The following CEP85 variants were observed in gnomAD, a reference collection of about 807,000 sequenced individuals.
CEP85 encodes the protein centrosomal protein 85, also known as centrosomal protein of 85 kDa.
In CEP85, 58 loss-of-function variants were observed where a neutral mutation model predicts 93.7. That is an observed-to-expected ratio of 0.62 (90% CI 0.50 to 0.77). CEP85 has a LOEUF of 0.77. Ranked by LOEUF, CEP85 falls within the 30% of genes least tolerant of loss-of-function variation. CEP85 has a pLI of 0.00. For missense variants in CEP85, 868 were observed against 922.0 expected (o/e 0.94, Z 0.76); for synonymous variants, 314 against 338.6 (o/e 0.93, Z 0.80).
At chr1:26,277,090 ATG>A in intron 13 of CEP85, 44 bp from the exon 14 acceptor site, 15 of 1,591,582 alleles carry the variant, frequency 9.4e-6, no homozygotes, top group African/African-American at 1.3e-5. Flanking sequence ...CCACATGAAA[ATG>A]TCTCATAACT....
At chr1:26,236,793 T>C (rs1569948570) in intron 1 of CEP85, among the ~76,000 whole-genome samples, 1 of 152,332 alleles carries the variant, frequency 6.6e-6, no homozygotes, top group South Asian at 2.1e-4. Flanking sequence ...GTCAAATACA[T>C]GTAAGATTTA....
intron 13 of CEP85, 57 bp from the exon 14 acceptor site, chr1:26,277,079 T>C: frequency 1.3e-6 from 2 of 1,561,066 alleles, no homozygotes; most frequent in South Asian, 2.2e-5. Context: ...TACTGCACCC[T>C]CCACATGAAA....
At chr1:26,256,530 C>CA (rs1252681352) in intron 4 of CEP85, among the ~76,000 whole-genome samples, 5 of 150,474 alleles carry the variant, frequency 3.3e-5, no homozygotes, top group Non-Finnish European at 7.4e-5. Context: ...GGCTCTGTCT[C>CA]AAAAAATAAA....
intron 3 of CEP85, among the ~76,000 whole-genome samples, chr1:26,248,722 CTTTTTTTTTTT>C (rs573449499): frequency 5.3e-5 from 3 of 56,212 alleles, no homozygotes; most frequent in African/African-American, 8.1e-5. Flanking sequence ...GTCTTGAACT[CTTTTTTTTTTT>C]TTTTTTTTTT....
rs1300824821 is a variant in CEP85, at chr1:26,276,540, A to G, written c.1908A>G (p.Ser636=). ...TTACCCATCTGTCTGCTCAGCTTTC[A>G]GTGCAAAACCAGGACTTGATTGAGA... The part of the protein sequence containing the change: ...QQLRTAVKEL[S]VQNQDLIEKN... Residue 636 remains serine (S), a synonymous_variant, in exon 13 of 14, where the codon TCA becomes TCG. Coordinates refer to ENST00000451429, the MANE Select transcript of CEP85 (RefSeq NM_001319944.2). 3 of 1,613,960 alleles carry G rather than the reference A, an allele frequency of 1.9e-6. No homozygotes were observed. The highest frequency in any genetic ancestry group is 1.7e-5 in the Admixed American group (1 of 60,026).
intron 6 of CEP85, among the ~76,000 whole-genome samples, 197 bp from the exon 7 acceptor site, chr1:26,259,420 T>C (rs1374431476): frequency 1.3e-5 from 2 of 152,216 alleles, no homozygotes; most frequent in Non-Finnish European, 2.9e-5. Context: ...GGAGTTAGGC[T>C]TAAGACATTG....
chr1:26,258,138 T>C lies in CEP85; in HGVS notation c.1038-5T>C, dbSNP rs2124586658. ...ACCCTGACCTGATTCTACCGGCTTGTGCAGGCAGAGGAAACACATCTCTCA... is the reference window on the plus strand; with the variant it reads ...ACCCTGACCTGATTCTACCGGCTTGCGCAGGCAGAGGAAACACATCTCTCA... On this transcript the variant is annotated splice_polypyrimidine_tract_variant and splice_region_variant and intron_variant, in intron 5 of 13. Coordinates refer to ENST00000451429, the MANE Select transcript of CEP85 (RefSeq NM_001319944.2). 1.2e-6 allele frequency: 2 copies of C among 1,609,182 alleles called. No homozygotes were observed. Among genetic ancestry groups the C allele is most frequent in the East Asian group, 2.2e-5 (1 of 44,854 alleles).
chr1:26,277,084 A>G (rs768166711), intron 13 of CEP85, 52 bp from the exon 14 acceptor site: 3 of 1,581,648 alleles, frequency 1.9e-6, no homozygotes, highest in Non-Finnish European at 2.6e-6. Context: ...CACCCTCCAC[A>G]TGAAAATGTC....
At chr1:26,256,928 G>GTTTTGGTGTGTGTGTGT (rs199539021) in intron 4 of CEP85, among the ~76,000 whole-genome samples, 1 of 111,404 alleles carries the variant, frequency 9.0e-6, no homozygotes, top group African/African-American at 3.4e-5. Flanking sequence ...GTTTTGTTTT[G>GTTTTGGTGTGTGTGTGT]GTGTGTGTGT....
Position 26,274,985 on chromosome 1 carries a change from C to T in CEP85, c.1816C>T (p.Gln606Ter). Residue 606 changes from glutamine (Q) to a stop codon, truncating the protein, a stop_gained, in exon 12 of 14, where the codon CAA becomes TAA. Transcript: ENST00000451429. LOFTEE classifies it high-confidence loss of function. ...QVQSLEQEVAQEEGTSQALRE... is the reference protein window; with the variant it reads ...QVQSLEQEVA Reference sequence around the variant, plus strand: ...TCAGAGCCTAGAGCAGGAAGTGGCTCAAGAAGAAGGAACAAGCCAGGCCCT... The same window carrying T: ...TCAGAGCCTAGAGCAGGAAGTGGCTTAAGAAGAAGGAACAAGCCAGGCCCT... The T allele has an allele frequency of 6.3e-7, 1 of 1,577,480 alleles. No individual in the cohort carries two copies. The highest frequency in any genetic ancestry group is 8.6e-7 in the Non-Finnish European group (1 of 1,161,534).
At chr1:26,237,740 G>A (rs766841868) in intron 1 of CEP85, among the ~76,000 whole-genome samples, 15 of 152,054 alleles carry the variant, frequency 9.9e-5, no homozygotes, top group Non-Finnish European at 1.8e-4. Context: ...AGGGTAACTC[G>A]GAGTTCTCCT....
At chr1:26,265,746 A>T (rs966128132) in intron 7 of CEP85, among the ~76,000 whole-genome samples, 9 of 152,124 alleles carry the variant, frequency 5.9e-5, no homozygotes, top group Admixed American at 4.6e-4. Context: ...GCCCCAAGTC[A>T]TTTATCTCCC....
intron 9 of CEP85, 70 bp from the exon 10 acceptor site, chr1:26,270,944 G>A (rs4659419): frequency 0.87 from 819,560 of 940,946 alleles, 365,611 homozygotes; most frequent in Non-Finnish European, 0.94. Flanking sequence ...TGTGCAATAA[G>A]TAGCAGAACC....
chr1:26,252,489 G>A (rs12408213), intron 3 of CEP85, among the ~76,000 whole-genome samples: 27,081 of 152,060 alleles, frequency 0.18, 3,099 homozygotes, highest in African/African-American at 0.31. Flanking sequence ...CCAAGATCGC[G>A]CCATTGCACT....
chr1:26,271,875 C>A, intron 10 of CEP85, 146 bp from the exon 11 acceptor site: 1 of 682,534 alleles, frequency 1.5e-6, no homozygotes, highest in Non-Finnish European at 2.6e-6. Context: ...GTTTATATTC[C>A]TATAGGTAGA....
chr1:26,265,341 A>G (rs755572260), intron 7 of CEP85, among the ~76,000 whole-genome samples: 3 of 149,788 alleles, frequency 2.0e-5, no homozygotes, highest in Non-Finnish European at 4.5e-5. Context: ...CTGGTCTTGA[A>G]CTCCTGGCCT....
At chr1:26,256,431 TGTG>T (rs2089702611) in intron 4 of CEP85, among the ~76,000 whole-genome samples, 1 of 151,836 alleles carries the variant, frequency 6.6e-6, no homozygotes, top group African/African-American at 2.4e-5. Context: ...CTCAGGAGGC[TGTG>T]GCAGGAGAAT....
chr1:26,237,049 A>G (rs926565585), intron 1 of CEP85, among the ~76,000 whole-genome samples: 9 of 152,176 alleles, frequency 5.9e-5, no homozygotes, highest in African/African-American at 2.2e-4. Flanking sequence ...CTTTTCCTAA[A>G]TTCCAGAAGG....
At chr1:26,241,814 T>G (rs1410928802) in intron 2 of CEP85, among the ~76,000 whole-genome samples, 1 of 151,596 alleles carries the variant, frequency 6.6e-6, no homozygotes, top group African/African-American at 2.4e-5. Context: ...CAGGCTGGAG[T>G]GCAGTGGCAC....
Sources: allele counts gnomAD v4.1 joint callset (sites outside exome capture counted in the v4.1 genomes callset), GRCh38; gene constraint gnomAD v4.1.1; transcripts MANE v1.5; gene names NCBI Gene and HGNC (gene_info 2026-07-23, HGNC 2026-07-21).